Variants in HOXB3 observed in about 807,000 individuals in gnomAD.
HOXB3 encodes homeobox protein Hox-B3.
HOXB3 carries 17 observed loss-of-function variants against 29.2 expected under a neutral mutation model. That is an observed-to-expected ratio of 0.58 (90% CI 0.40 to 0.87). The LOEUF is 0.87. Ranked by LOEUF, HOXB3 falls within the 40% of genes least tolerant of loss-of-function variation. HOXB3 has a pLI of 0.00. For missense variants in HOXB3, 637 were observed against 616.3 expected (o/e 1.03, Z -0.35); for synonymous variants, 317 against 285.9 (o/e 1.11, Z -1.10).
chr17:48,552,082 G>A lies in HOXB3; in HGVS notation c.393C>T (p.Pro131=), dbSNP rs1196849123. The A allele has an allele frequency of 6.2e-7, 1 of 1,610,044 alleles. No individual in the cohort carries two copies. The highest frequency in any genetic ancestry group is 1.1e-5 in the South Asian group (1 of 90,776). The stretch of plus-strand genomic sequence containing the variant: ...ACGTTTGCCTCGACTCTTTCATCCA[G>A]GGGAATATCTGTTTGGTGAGGGTGG... ...TNSTLTKQIF[P]WMKESRQTSK... The change falls in exon 4 of 5, where the codon CCC becomes CCT. Residue 131 remains proline, a synonymous_variant. Transcript: ENST00000498678.
chr17:48,564,552 G>C (rs2069324385), intron 2 of HOXB3, among the ~76,000 whole-genome samples: 1 of 152,246 alleles, frequency 6.6e-6, no homozygotes, highest in Non-Finnish European at 1.5e-5. Context: ...GCCGCGCAGG[G>C]CTGCGGGAAC....
At chr17:48,580,112 C>T (rs967218186) in intron 1 of HOXB3, 8 of 332,732 alleles carry the variant, frequency 2.4e-5, no homozygotes, top group African/African-American at 1.9e-4. Flanking sequence ...TTCAATTCTC[C>T]TCTTCTATTA....
At chr17:48,576,568 C>A in intron 1 of HOXB3, 2 of 578,438 alleles carry the variant, frequency 3.5e-6, no homozygotes, top group Non-Finnish European at 5.6e-6. Flanking sequence ...TCCCCTCCCC[C>A]TCTTCTGCGT....
At chr17:48,570,071 A>C (rs1269566447) in intron 2 of HOXB3, among the ~76,000 whole-genome samples, 1 of 152,076 alleles carries the variant, frequency 6.6e-6, no homozygotes, top group Non-Finnish European at 1.5e-5. Flanking sequence ...ACAGGAGAGG[A>C]GGGAAAAGAA....
chr17:48,577,902 CG>C, intron 1 of HOXB3: 1 of 1,376,482 alleles, frequency 7.3e-7, no homozygotes. Flanking sequence ...GGGTAGACGA[CG>C]GGCTCTTTGC....
At chr17:48,570,377 G>T (rs902327465) in intron 2 of HOXB3, among the ~76,000 whole-genome samples, 2 of 152,018 alleles carry the variant, frequency 1.3e-5, no homozygotes, top group East Asian at 1.9e-4. Context: ...GGCATGGGAT[G>T]GGGGGTGGGG....
Position 48,552,601 on chromosome 17 carries a change from C to G in HOXB3, c.-127G>C, listed in dbSNP as rs369114295. 5.7e-6 allele frequency: 4 copies of G among 702,648 alleles called. No homozygotes were observed. Among genetic ancestry groups the G allele is most frequent in the South Asian group, 3.9e-5 (2 of 51,058 alleles). 43.5% of individuals were successfully genotyped at this position (702,648 alleles called of 1,614,324 possible). ...CCCCCCCCACCTCCCCTCTCTGCCCCCCTCCTCCGGGGTCTGTTCCAAGCG... is the reference window on the plus strand; with the variant it reads ...CCCCCCCCACCTCCCCTCTCTGCCCGCCTCCTCCGGGGTCTGTTCCAAGCG... On this transcript the variant is annotated 5_prime_UTR_variant, in exon 4 of 5. Coordinates refer to ENST00000498678, the MANE Select transcript of HOXB3 (RefSeq NM_001384749.1).
In HOXB3 at chr17:48,552,156, C is replaced by T. The variant is rs370301446; in HGVS notation, c.319G>A (p.Gly107Ser). ...TSATSNSSNGGGPSKSGPPKC... is the reference protein window; with the variant it reads ...TSATSNSSNGSGPSKSGPPKC... ...GGGGGACCACTTTTGCTGGGCCCGC[C>T]CCCATTACTGCTGTTGCTAGTGGCA... is the stretch of plus-strand genomic sequence containing the variant. Residue 107 changes from glycine to serine, a missense_variant, in exon 4 of 5, where the codon GGC becomes AGC. By Grantham distance (56) the Gly-to-Ser change is moderately conservative. Transcript: ENST00000498678. 6.2e-7 allele frequency: 1 copy of T among 1,614,010 alleles called. No individual in the cohort carries two copies. Among genetic ancestry groups the T allele is most frequent in the Admixed American group, 1.7e-5 (1 of 60,002 alleles).
intron 2 of HOXB3, among the ~76,000 whole-genome samples, chr17:48,564,184 G>A (rs1409451605): frequency 2.6e-5 from 4 of 151,768 alleles, no homozygotes; most frequent in Non-Finnish European, 5.9e-5. Context: ...GCCAGGCCCC[G>A]AGCGCCCCGG....
intron 2 of HOXB3, among the ~76,000 whole-genome samples, chr17:48,560,988 C>T (rs1470027775): frequency 6.6e-6 from 1 of 152,192 alleles, no homozygotes; most frequent in Non-Finnish European, 1.5e-5. Flanking sequence ...CGAGACCAGC[C>T]TGACCAACAT....
intron 1 of HOXB3, chr17:48,577,143 AGG>A: frequency 1.1e-6 from 1 of 935,662 alleles, no homozygotes; most frequent in Non-Finnish European, 1.5e-6. Flanking sequence ...CTTCCTTCTG[AGG>A]GAGAGCGGGG....
At chr17:48,588,398 G>A (rs1567967722) in intron 1 of HOXB3, among the ~76,000 whole-genome samples, 1 of 152,244 alleles carries the variant, frequency 6.6e-6, no homozygotes, top group African/African-American at 2.4e-5. Flanking sequence ...ACTGACATGA[G>A]AGGGGGCAAA....
chr17:48,555,662 G>GCCCCC (rs753472697), intron 2 of HOXB3, 44 bp from the exon 3 acceptor site: 21 of 693,228 alleles, frequency 3.0e-5, no homozygotes, highest in East Asian at 1.1e-4. Flanking sequence ...AAGCTGCGTC[G>GCCCCC]CCCCCCGCCC....
In HOXB3 at chr17:48,552,094, T is replaced by G; in HGVS notation, c.381A>C (p.Lys127Asn). The G allele has an allele frequency of 6.2e-7, 1 of 1,611,680 alleles. No individual in the cohort carries two copies. Among genetic ancestry groups the G allele is most frequent in the Non-Finnish European group, 8.5e-7 (1 of 1,178,382 alleles). Residue 127 changes from lysine to asparagine, a missense_variant, in exon 4 of 5, where the codon AAA becomes AAC. Lys to Asn is a moderately conservative substitution (Grantham distance 94, BLOSUM62 0). Coordinates refer to ENST00000498678, the MANE Select transcript of HOXB3 (RefSeq NM_001384749.1). ...ACTCTTTCATCCAGGGGAATATCTG[T>G]TTGGTGAGGGTGGAGTTGGTGCCGG... ...CGPGTNSTLT[K>N]QIFPWMKESR... is the part of the protein sequence containing the mutation.
intron 1 of HOXB3, chr17:48,578,634 A>C (rs2069852565): frequency 3.1e-6 from 1 of 321,088 alleles, no homozygotes; most frequent in South Asian, 2.9e-5. Flanking sequence ...GATCAGAGAG[A>C]GAGCGAGAGA....
intron 2 of HOXB3, among the ~76,000 whole-genome samples, chr17:48,570,267 A>C (rs1244558718): frequency 1.3e-5 from 2 of 152,198 alleles, no homozygotes; most frequent in African/African-American, 2.4e-5. Flanking sequence ...AGAGACACAC[A>C]CAGACCCCTT....
chr17:48,550,293 C>G lies in HOXB3; in HGVS notation c.*41G>C. On this transcript the variant is annotated 3_prime_UTR_variant, in exon 5 of 5. Transcript: ENST00000498678. ...TGCCCCCCAGAGCTCCACAGTCTCT[C>G]TCTTCCTCCCCATCCCCTAATCCTC... is the stretch of plus-strand genomic sequence containing the variant. The G allele has an allele frequency of 4.3e-6, 7 of 1,612,314 alleles. No homozygotes were observed. The highest frequency in any genetic ancestry group is 5.9e-6 in the Non-Finnish European group (7 of 1,179,724).
At chr17:48,565,502 ATC>A (rs948712514) in intron 2 of HOXB3, among the ~76,000 whole-genome samples, 3 of 151,892 alleles carry the variant, frequency 2.0e-5, no homozygotes, top group African/African-American at 7.3e-5. Context: ...TTTTCTAACC[ATC>A]TCTGTTGTCT....
At chr17:48,585,588 C>T (rs1356494990) in intron 1 of HOXB3, among the ~76,000 whole-genome samples, 3 of 152,186 alleles carry the variant, frequency 2.0e-5, no homozygotes, top group Middle Eastern at 3.2e-3. Context: ...TGGTCCAGAG[C>T]AGCGGCGGTG....
Sources: allele counts gnomAD v4.1 joint callset (sites outside exome capture counted in the v4.1 genomes callset), GRCh38; gene constraint gnomAD v4.1.1; transcripts MANE v1.5; gene names NCBI Gene and HGNC (gene_info 2026-07-23, HGNC 2026-07-21).